RGSL1: variants seen among roughly 807,000 people sequenced by gnomAD.
The protein encoded by RGSL1 is regulator of G protein signaling protein-like.
In RGSL1, 97 loss-of-function variants were observed where a neutral mutation model predicts 124.7. The ratio of observed to expected loss-of-function variants is 0.78; its 90% CI spans 0.66 to 0.92. The LOEUF (loss-of-function observed/expected upper bound fraction) is 0.92, where lower values mean the gene tolerates loss of function less well. Ranked by LOEUF, RGSL1 falls within the 40% of genes least tolerant of loss-of-function variation. The pLI is 0.00. For synonymous variants in RGSL1, 424 were observed against 438.1 expected, an observed-to-expected ratio of 0.97 and a Z score of 0.40; for missense variants, 1,233 against 1,288.4, an observed-to-expected ratio of 0.96 and a Z score of 0.66.
At chr1:182,555,828 T>C in intron 20 of RGSL1, 196 bp from the exon 21 acceptor site, 1 of 599,150 alleles carries the variant, frequency 1.7e-6, no homozygotes, top group Non-Finnish European at 3.0e-6. Context: ...GGAAAAGCAA[T>C]GCATGGCTTC....
chr1:182,523,646 C>A (rs1278820219), intron 10 of RGSL1, among the ~76,000 whole-genome samples: 1 of 152,098 alleles, frequency 6.6e-6, no homozygotes, highest in East Asian at 1.9e-4. Context: ...TAAGACCAAG[C>A]AGAATAGCTC....
At chr1:182,560,180 G>A (rs1292243038) in intron 21 of RGSL1, 99 bp from the exon 22 acceptor site, 1 of 152,212 alleles carries the variant, frequency 6.6e-6, no homozygotes, top group Non-Finnish European at 1.5e-5. Flanking sequence ...TTACAGTTGT[G>A]ACGACCACCA....
At chr1:182,457,117 A>C (rs1652403610) in intron 2 of RGSL1, among the ~76,000 whole-genome samples, 3 of 152,102 alleles carry the variant, frequency 2.0e-5, no homozygotes. Flanking sequence ...ACTGCACTCC[A>C]GCCCAGGTGA....
At chr1:182,464,651 G>A (rs935860069) in intron 4 of RGSL1, among the ~76,000 whole-genome samples, 4 of 151,646 alleles carry the variant, frequency 2.6e-5, no homozygotes, top group Non-Finnish European at 5.9e-5. Context: ...TTGAACCCGG[G>A]AGGCAGAGGT....
intron 6 of RGSL1, among the ~76,000 whole-genome samples, chr1:182,484,251 G>A (rs2102073205): frequency 6.6e-6 from 1 of 152,146 alleles, no homozygotes; most frequent in Non-Finnish European, 1.5e-5. Context: ...GGGGTACTAT[G>A]TCATCTTAGT....
At chr1:182,518,303 T>G (rs2439865) in intron 9 of RGSL1, among the ~76,000 whole-genome samples, 1 of 152,096 alleles carries the variant, frequency 6.6e-6, no homozygotes, top group African/African-American at 2.4e-5. Context: ...AACCTCAGAA[T>G]TGCCTCAGTT....
At chr1:182,530,509 T>G (rs943644836) in intron 12 of RGSL1, 148 bp downstream of exon 12, 21 of 663,218 alleles carry the variant, frequency 3.2e-5, no homozygotes, top group Middle Eastern at 4.0e-4. Flanking sequence ...ATCTTGAACT[T>G]TCCTACCTAT....
intron 19 of RGSL1, 77 bp downstream of exon 19, chr1:182,553,618 C>A: frequency 7.9e-7 from 1 of 1,271,756 alleles, no homozygotes; most frequent in Non-Finnish European, 1.1e-6. Flanking sequence ...TGGCCAATCC[C>A]CTTATTGACA....
At chr1:182,524,090 T>C (rs1481564986) in intron 10 of RGSL1, among the ~76,000 whole-genome samples, 1 of 152,162 alleles carries the variant, frequency 6.6e-6, no homozygotes, top group Non-Finnish European at 1.5e-5. Flanking sequence ...TGTTGAAGTA[T>C]AGAGTGCATG....
At chr1:182,551,915 T>C (rs1660587161) in intron 18 of RGSL1, among the ~76,000 whole-genome samples, 1 of 152,178 alleles carries the variant, frequency 6.6e-6, no homozygotes, top group South Asian at 2.1e-4. Flanking sequence ...TGCAACAGCA[T>C]TCAGTACAGT....
Position 182,489,223 on chromosome 1 carries a change from T to A in RGSL1, c.1717+21T>A, listed in dbSNP as rs767485666. On this transcript the variant is annotated intron_variant, in intron 8 of 21. Transcript: ENST00000294854. ...AACAGGTCAGAGCAGTCACTGTAAT[T>A]TTTTTGACCTTTACATATGGGCAAC... is the stretch of plus-strand genomic sequence containing the variant. 4 of 1,537,058 alleles carry A rather than the reference T, an allele frequency of 2.6e-6. No homozygotes were observed. In the African/African-American group the frequency reaches 5.5e-5, roughly 21 times the overall value.
intron 4 of RGSL1, among the ~76,000 whole-genome samples, chr1:182,461,404 A>G (rs971498407): frequency 1.3e-5 from 2 of 152,128 alleles, no homozygotes; most frequent in East Asian, 1.9e-4. Context: ...TGATTTCCAG[A>G]GTTAACACAT....
intron 1 of RGSL1, among the ~76,000 whole-genome samples, chr1:182,452,530 G>A (rs1209492079): frequency 1.3e-5 from 2 of 151,072 alleles, no homozygotes; most frequent in Non-Finnish European, 2.9e-5. Flanking sequence ...TCGGCTCACT[G>A]CAACCTCCAC....
intron 10 of RGSL1, among the ~76,000 whole-genome samples, chr1:182,526,649 G>T (rs1658769188): frequency 6.6e-6 from 1 of 152,162 alleles, no homozygotes; most frequent in Non-Finnish European, 1.5e-5. Context: ...TTCAGCCTGG[G>T]TTACCAAGTG....
chr1:182,556,072 C>T lies in RGSL1; in HGVS notation c.*15C>T. 5 of 1,550,748 alleles carry T rather than the reference C, an allele frequency of 3.2e-6. No homozygotes were observed. Among genetic ancestry groups the T allele is most frequent in the Non-Finnish European group, 4.4e-6 (5 of 1,146,268 alleles). On this transcript the variant is annotated 3_prime_UTR_variant, in exon 21 of 22. Transcript: ENST00000294854. The stretch of plus-strand genomic sequence containing the variant: ...AAGAGAAGTAATCAAGCGAGACCCC[C>T]AGCAGAGATAAATCATCTCTTAGAG...
chr1:182,472,782 G>T (rs1023660289), intron 5 of RGSL1, among the ~76,000 whole-genome samples: 1 of 152,180 alleles, frequency 6.6e-6, no homozygotes, highest in African/African-American at 2.4e-5. Context: ...GCCAATGAAG[G>T]CTGGCTGGAA....
At chr1:182,469,797 A>AAT (rs897503739) in intron 4 of RGSL1, among the ~76,000 whole-genome samples, 26 of 152,140 alleles carry the variant, frequency 1.7e-4, no homozygotes, top group East Asian at 7.7e-4. Flanking sequence ...TGAGATTTTA[A>AAT]ATATATATAT....
chr1:182,492,829 C>T (rs1655630954), intron 8 of RGSL1, 193 bp from the exon 9 acceptor site: 4 of 545,392 alleles, frequency 7.3e-6, no homozygotes, highest in South Asian at 2.2e-5. Context: ...CAGGGTTTCA[C>T]CATGTTAGTC....
intron 9 of RGSL1, among the ~76,000 whole-genome samples, chr1:182,512,740 A>C (rs1388123799): frequency 6.6e-6 from 1 of 152,180 alleles, no homozygotes; most frequent in African/African-American, 2.4e-5. Context: ...TGGTGAATGC[A>C]GAGATTTTAC....
Sources: gnomAD v4.1 joint callset for allele counts (sites outside exome capture counted in the v4.1 genomes callset) on GRCh38, gnomAD v4.1.1 for gene constraint, MANE v1.5 for transcripts, NCBI Gene and HGNC (gene_info 2026-07-23, HGNC 2026-07-21) for gene names.